TAF11L13: variants seen among roughly 807,000 people sequenced by gnomAD.
TAF11L13 encodes TATA-box-binding protein-associated factor 11-like protein 13.
At chr5:17,632,314 C>G (rs909333572) in exon 1 of TAF11L13, 9 of 397,806 alleles carry the variant, frequency 2.3e-5, no homozygotes, top group Non-Finnish European at 3.5e-5. Flanking sequence ...AAAACACATA[C>G]GAAACGCAAG....
At chr5:17,632,243 G>T (rs1369691504) in exon 1 of TAF11L13, 1 of 397,858 alleles carries the variant, frequency 2.5e-6, no homozygotes, top group Non-Finnish European at 4.4e-6. Context: ...AGGATGTCAT[G>T]GACCTCACAG....
chr5:17,632,228 G>C (rs1170226780), exon 1 of TAF11L13: 6 of 398,046 alleles, frequency 1.5e-5, no homozygotes, highest in Non-Finnish European at 2.2e-5. Flanking sequence ...GTGAGCTCAG[G>C]AGTGAGGATG....
exon 1 of TAF11L13, chr5:17,632,531 C>G: frequency 2.5e-6 from 1 of 398,572 alleles, no homozygotes. Flanking sequence ...TAGCCAAGGT[C>G]TTTGTTGGAG....
exon 1 of TAF11L13, chr5:17,632,304 A>C (rs1739707499): frequency 2.5e-6 from 1 of 397,904 alleles, no homozygotes; most frequent in African/African-American, 2.1e-5. Context: ...CAAAAGACGG[A>C]AAACACATAC....
In TAF11L13 at chr5:17,632,668, A is replaced by G. The variant is rs1489245530; in HGVS notation, c.581A>G (p.Lys194Arg). Residue 194 changes from lysine to arginine, a missense_variant, in exon 1 of 1, where the codon AAA becomes AGA. By Grantham distance (26) the Lys-to-Arg change is conservative. Coordinates refer to ENST00000639073, the Ensembl canonical transcript of TAF11L13. ...GGCCTCTTCCCCAACAGCAACTACA[A>G]AAGAGTCATGTTCTAGGCCCAAGGC... The G allele has an allele frequency of 3.8e-5, 15 of 398,446 alleles. 1 individual carries two copies. Among genetic ancestry groups the G allele is most frequent in the Non-Finnish European group, 6.6e-5 (15 of 225,852 alleles). 24.7% of individuals were successfully genotyped at this position (398,446 alleles called of 1,614,324 possible). A position where few individuals can be genotyped will look rare whatever the true frequency, so the allele number is the denominator to read the frequency against.
exon 1 of TAF11L13, chr5:17,632,336 G>A: frequency 5.0e-6 from 2 of 398,142 alleles, no homozygotes; most frequent in Non-Finnish European, 8.9e-6. Flanking sequence ...AGGAGAGGAA[G>A]CCCACCGTGG....
exon 1 of TAF11L13, chr5:17,632,629 G>A: frequency 2.5e-6 from 1 of 398,546 alleles, no homozygotes; most frequent in Non-Finnish European, 4.4e-6. Flanking sequence ...GCTGTTCACA[G>A]GTTAAAGCCC....
chr5:17,632,414 C>T (rs1235124133), exon 1 of TAF11L13: 3 of 398,310 alleles, frequency 7.5e-6, no homozygotes, highest in South Asian at 2.5e-4. Context: ...TGTCCCGCTA[C>T]GAAGTGTGTC....
At chr5:17,632,104 A>G in exon 1 of TAF11L13, 1 of 396,868 alleles carries the variant, frequency 2.5e-6, no homozygotes, top group African/African-American at 2.1e-5. Context: ...ACCGGCAGGC[A>G]AACAGGCGTG....
At chr5:17,632,207 G>C (rs1739705578) in exon 1 of TAF11L13, 1 of 397,936 alleles carries the variant, frequency 2.5e-6, no homozygotes, top group Non-Finnish European at 4.4e-6. Context: ...AAGAACCCAG[G>C]GATCAGGAAG....
At chr5:17,632,370 A>T in exon 1 of TAF11L13, 1 of 398,368 alleles carries the variant, frequency 2.5e-6, no homozygotes, top group Non-Finnish European at 4.4e-6. Flanking sequence ...TCAGAGGATG[A>T]CAACCCTGCT....
At chr5:17,632,589 C>A (rs954700602) in exon 1 of TAF11L13, 2 of 398,438 alleles carry the variant, frequency 5.0e-6, no homozygotes, top group South Asian at 1.3e-4. Flanking sequence ...GGGAGAGACG[C>A]CCCCGCTGCA....
exon 1 of TAF11L13, chr5:17,632,615 G>C (rs1345329332): frequency 5.0e-6 from 2 of 398,410 alleles, no homozygotes; most frequent in Non-Finnish European, 8.9e-6. Flanking sequence ...AGCATTTAAG[G>C]GAGGCTGTTC....
chr5:17,632,468 G>T (rs1168868707), exon 1 of TAF11L13: 1 of 398,630 alleles, frequency 2.5e-6, no homozygotes. Flanking sequence ...GTCTGATGCG[G>T]TCTATCACTG....
chr5:17,632,632 T>G, the TAF11L13 span: 1 of 398,504 alleles, frequency 2.5e-6, no homozygotes, highest in Non-Finnish European at 4.4e-6. Context: ...GTTCACAGGT[T>G]AAAGCCCAAG....
exon 1 of TAF11L13, chr5:17,632,625 C>A: frequency 2.5e-6 from 1 of 398,444 alleles, no homozygotes; most frequent in East Asian, 3.6e-5. Context: ...GGAGGCTGTT[C>A]ACAGGTTAAA....
chr5:17,632,330 G>A lies in TAF11L13; in HGVS notation c.243G>A (p.Glu81=), dbSNP rs572951856. Reference sequence around the variant, plus strand: ...AAACACATACGAAACGCAAGAAGGAGAGGAAGCCCACCGTGGATGCAGAGG... The same window carrying A: ...AAACACATACGAAACGCAAGAAGGAAAGGAAGCCCACCGTGGATGCAGAGG... The change falls in exon 1 of 1, where the codon GAG becomes GAA. Residue 81 remains glutamate, a synonymous_variant. Transcript: ENST00000639073. The A allele has an allele frequency of 1.7e-3, 677 of 397,910 alleles. 19 individuals carry two copies. The East Asian group carries it at 0.024, about 14-fold the overall frequency. The allele number at this position is 397,910 out of a possible 1,614,324, so 24.6% of individuals were successfully genotyped here. A position where few individuals can be genotyped will look rare whatever the true frequency, so the allele number is the denominator to read the frequency against.
chr5:17,632,184 G>C (rs1739705187), exon 1 of TAF11L13: 1 of 398,000 alleles, frequency 2.5e-6, no homozygotes, highest in Non-Finnish European at 4.4e-6. Flanking sequence ...TGAGGACCTA[G>C]ATGGGAACTT....
At position 17,632,179 on chromosome 5, in the gene TAF11L13, A is replaced by C. The variant is rs190083632; in HGVS notation, c.92A>C (p.Asp31Ala). Residue 31 changes from aspartate to alanine, a missense_variant, in exon 1 of 1, where the codon GAC becomes GCC. Physicochemically the swap from Asp to Ala is moderately radical, Grantham distance 126 (BLOSUM62 -2). Transcript: ENST00000639073. ...AGCAAGAAGGATGGAATCCCTGAGG[A>C]CCTAGATGGGAACTTGGAAGAACCC... 6.4e-3 allele frequency: 2,533 copies of C among 397,944 alleles called. 109 individuals are homozygous for C. The highest frequency in any genetic ancestry group is 0.048 in the African/African-American group (2,344 of 48,336). 24.7% of individuals were successfully genotyped at this position (397,944 alleles called of 1,614,324 possible).
Sources: allele counts gnomAD v4.1 joint callset, GRCh38; gene constraint gnomAD v4.1.1; transcripts MANE v1.5; gene names NCBI Gene and HGNC (gene_info 2026-07-23, HGNC 2026-07-21).